The following GLDC variants were observed in gnomAD, a reference collection of about 807,000 sequenced individuals.
The protein encoded by GLDC is glycine decarboxylase, also known as glycine dehydrogenase (decarboxylating), mitochondrial.
A neutral mutation model predicts 121.3 loss-of-function variants in GLDC; 104 were observed. The observed-to-expected ratio is 0.86, with a 90% CI of 0.73 to 1.01. The LOEUF is 1.01. GLDC is among the 50% of genes least tolerant of loss of function. The pLI, the probability that GLDC is intolerant of heterozygous loss-of-function variation, is 0.00. For missense variants in GLDC, 1,429 were observed against 1,306.6 expected, an observed-to-expected ratio of 1.09 and a Z score of -1.44; for synonymous variants, 546 against 480.6, an observed-to-expected ratio of 1.14 and a Z score of -1.78.
chr9:6,619,145 GCAAAA>G (rs1819027376), intron 3 of GLDC, among the ~76,000 whole-genome samples: 3 of 30,196 alleles, frequency 9.9e-5, no homozygotes, highest in African/African-American at 4.6e-4. Context: ...TCTGTCTCAG[GCAAAA>G]AAAAAAAAAA....
intron 2 of GLDC, among the ~76,000 whole-genome samples, chr9:6,640,556 C>T (rs745912457): frequency 1.3e-5 from 2 of 152,358 alleles, no homozygotes; most frequent in South Asian, 2.1e-4. Context: ...CACTCTGGAA[C>T]ATTCAGCTGG....
chr9:6,632,255 A>G (rs1008438032), intron 2 of GLDC, among the ~76,000 whole-genome samples: 1 of 152,230 alleles, frequency 6.6e-6, no homozygotes, highest in Non-Finnish European at 1.5e-5. Context: ...ATCAATGCAT[A>G]AATTGTTCTC....
At chr9:6,556,121 G>A (rs199871792) in intron 18 of GLDC, 32 bp downstream of exon 18, 89 of 1,578,934 alleles carry the variant, frequency 5.6e-5, no homozygotes, top group Non-Finnish European at 2.7e-5. Context: ...TTTTCTCAGT[G>A]GGAACTAAGG....
chr9:6,630,417 C>T (rs772796764), intron 2 of GLDC, among the ~76,000 whole-genome samples: 23 of 152,114 alleles, frequency 1.5e-4, no homozygotes, highest in Non-Finnish European at 2.5e-4. Flanking sequence ...CAGCCAGCAG[C>T]GCCTCACACA....
At chr9:6,632,365 G>C (rs925346487) in intron 2 of GLDC, among the ~76,000 whole-genome samples, 13 of 152,178 alleles carry the variant, frequency 8.5e-5, no homozygotes, top group African/African-American at 2.7e-4. Flanking sequence ...ATAATGCAGT[G>C]TCTACAATAA....
At chr9:6,540,509 T>C in intron 21 of GLDC, 1 of 307,806 alleles carries the variant, frequency 3.2e-6, no homozygotes, top group Non-Finnish European at 6.3e-6. Flanking sequence ...TTAAATGTGT[T>C]GTATAGTCCT....
intron 8 of GLDC, among the ~76,000 whole-genome samples, chr9:6,600,819 A>G (rs918860051): frequency 1.3e-5 from 2 of 152,220 alleles, no homozygotes; most frequent in South Asian, 2.1e-4. Flanking sequence ...TTCAAGGAGC[A>G]GAACCCAGAA....
Position 6,642,542 on chromosome 9 carries a change from T to TA in GLDC, c.334+2071dup, listed in dbSNP as rs1157293163. Among the ~76,000 whole-genome samples, 8 of 151,894 alleles carry TA rather than the reference T, an allele frequency of 5.3e-5. No homozygotes were observed. The East Asian group carries it at 1.5e-3, about 29-fold the overall frequency. ...CAAGAATCCATTTCAAAAATAAAAA[T>TA]AAAAAATAAAAAAATTAAGTTTATA... On this transcript the variant is annotated intron_variant, in intron 2 of 24. Coordinates refer to ENST00000321612, the MANE Select transcript of GLDC (RefSeq NM_000170.3).
At chr9:6,537,257 G>A (rs12347465) in intron 22 of GLDC, among the ~76,000 whole-genome samples, 5,577 of 152,034 alleles carry the variant, frequency 0.037, 332 homozygotes, top group African/African-American at 0.13. Flanking sequence ...GAGCTCAAGC[G>A]ATCTGCCTGT....
chr9:6,581,111 G>GTTAAC (rs1818162956), intron 15 of GLDC, among the ~76,000 whole-genome samples: 1 of 152,236 alleles, frequency 6.6e-6, no homozygotes, highest in Non-Finnish European at 1.5e-5. Context: ...GTATTGAGGG[G>GTTAAC]TTAAGGCCCC....
chr9:6,550,076 T>C (rs1817480150), intron 21 of GLDC, among the ~76,000 whole-genome samples: 1 of 152,164 alleles, frequency 6.6e-6, no homozygotes. Context: ...TTACTCAGGC[T>C]CTCATCGGCT....
intron 15 of GLDC, among the ~76,000 whole-genome samples, chr9:6,568,578 T>C (rs1817894661): frequency 6.6e-6 from 1 of 152,182 alleles, no homozygotes; most frequent in African/African-American, 2.4e-5. Context: ...CCGGGCGTGG[T>C]GGCTCACACC....
At chr9:6,629,871 C>T (rs1334402813) in intron 2 of GLDC, among the ~76,000 whole-genome samples, 3 of 146,166 alleles carry the variant, frequency 2.1e-5, no homozygotes, top group African/African-American at 7.8e-5. Context: ...TGTGATGATT[C>T]ACAAGAAATT....
intron 21 of GLDC, among the ~76,000 whole-genome samples, chr9:6,550,060 C>A (rs1346553640): frequency 6.6e-6 from 1 of 152,198 alleles, no homozygotes; most frequent in Non-Finnish European, 1.5e-5. Flanking sequence ...GCTCCTGTGT[C>A]TCTGCTTACT....
chr9:6,606,529 A>T (rs1818736849), intron 5 of GLDC, 63 bp downstream of exon 5: 1 of 1,000,490 alleles, frequency 1.0e-6, no homozygotes, highest in African/African-American at 1.6e-5. Context: ...TGAGAAAGAG[A>T]AAGAAACAGC....
At chr9:6,538,185 G>A (rs1335231754) in intron 22 of GLDC, among the ~76,000 whole-genome samples, 3 of 151,476 alleles carry the variant, frequency 2.0e-5, no homozygotes, top group Non-Finnish European at 4.4e-5. Context: ...AGCAAATTCA[G>A]TCCAACATAT....
chr9:6,616,737 G>A (rs1471929026), intron 3 of GLDC, among the ~76,000 whole-genome samples: 1 of 152,204 alleles, frequency 6.6e-6, no homozygotes, highest in African/African-American at 2.4e-5. Context: ...GCACATCCAA[G>A]AAGGCATTTA....
At chr9:6,600,073 T>C (rs1818573094) in intron 8 of GLDC, among the ~76,000 whole-genome samples, 1 of 152,034 alleles carries the variant, frequency 6.6e-6, no homozygotes, top group South Asian at 2.1e-4. Context: ...ATGGAAGAGA[T>C]GCAATTACAG....
At position 6,556,227 on chromosome 9, in the gene GLDC, T is replaced by A. The variant is rs1399902770; in HGVS notation, c.2128A>T (p.Ile710Phe). 24 of 1,612,722 alleles carry A rather than the reference T, an allele frequency of 1.5e-5. No individual in the cohort carries two copies. Among genetic ancestry groups the A allele is most frequent in the Non-Finnish European group, 2.0e-5 (24 of 1,178,668 alleles). The change falls in exon 18 of 25, where the codon ATC (isoleucine) becomes TTC (phenylalanine). Residue 710 changes from isoleucine to phenylalanine, a missense_variant. Physicochemically the swap from Ile to Phe is conservative, Grantham distance 21 (BLOSUM62 0). Transcript: ENST00000321612. Reference protein sequence around the residue: ...PSTNGVFEENISDVCDLIHQH... With the variant: ...PSTNGVFEENFSDVCDLIHQH... ...TGGATGAGGTCACACACGTCACTGATGTTCTCTTCAAACACCCCATTGGTG... is the reference window on the plus strand; with the variant it reads ...TGGATGAGGTCACACACGTCACTGAAGTTCTCTTCAAACACCCCATTGGTG...
Sources: allele counts gnomAD v4.1 joint callset (sites outside exome capture counted in the v4.1 genomes callset), GRCh38; gene constraint gnomAD v4.1.1; transcripts MANE v1.5; gene names NCBI Gene and HGNC (gene_info 2026-07-23, HGNC 2026-07-21).